Variants in RAI14 observed in about 807,000 individuals in gnomAD.
The protein encoded by RAI14 is ankycorbin.
Under a neutral mutation model 115.4 loss-of-function variants are expected in RAI14, and 45 were observed. The observed-to-expected ratio is 0.39, with a 90% CI of 0.31 to 0.50. RAI14 has a LOEUF of 0.50. Ranked by LOEUF, RAI14 falls within the 20% of genes least tolerant of loss-of-function variation. The pLI, the probability that RAI14 is intolerant of heterozygous loss-of-function variation, is 0.85. For synonymous variants in RAI14, 371 were observed against 415.4 expected (o/e 0.89, Z 1.30); for missense variants, 939 against 1,131.2 (o/e 0.83, Z 2.44).
At chr5:34,813,443 T>C (rs921259830) in intron 10 of RAI14, 131 bp from the exon 11 acceptor site, 1 of 563,840 alleles carries the variant, frequency 1.8e-6, no homozygotes, top group Admixed American at 3.5e-5. Flanking sequence ...TGGTAGCAGA[T>C]TTCAGATTTT....
At chr5:34,807,685 T>C in intron 5 of RAI14, 115 bp from the exon 6 acceptor site, 1 of 823,224 alleles carries the variant, frequency 1.2e-6, no homozygotes, top group East Asian at 2.5e-5. Flanking sequence ...CTGGGGCTTA[T>C]TTATGTTAAT....
At chr5:34,704,234 G>A (rs1032966216) in intron 2 of RAI14, among the ~76,000 whole-genome samples, 1 of 152,220 alleles carries the variant, frequency 6.6e-6, no homozygotes, top group African/African-American at 2.4e-5. Flanking sequence ...CAATGAGAGA[G>A]AATGTTAACT....
intron 4 of RAI14, among the ~76,000 whole-genome samples, chr5:34,796,398 A>C (rs976319130): frequency 1.6e-4 from 6 of 37,360 alleles, no homozygotes; most frequent in African/African-American, 8.4e-4. Flanking sequence ...ACTCTGTCTC[A>C]AAAAAAAAAA....
chr5:34,715,891 CA>C (rs1741920688), intron 2 of RAI14, among the ~76,000 whole-genome samples: 1 of 150,946 alleles, frequency 6.6e-6, no homozygotes, highest in Non-Finnish European at 1.5e-5. Context: ...AAGATGTAAT[CA>C]TCAGTCTTCC....
intron 2 of RAI14, among the ~76,000 whole-genome samples, chr5:34,746,721 T>A (rs1231728883): frequency 6.6e-6 from 1 of 152,122 alleles, no homozygotes; most frequent in African/African-American, 2.4e-5. Context: ...CTTGCCCCAG[T>A]GTATGAACAC....
intron 2 of RAI14, among the ~76,000 whole-genome samples, chr5:34,719,679 C>T (rs1346316513): frequency 3.3e-5 from 5 of 152,182 alleles, no homozygotes; most frequent in Non-Finnish European, 5.9e-5. Flanking sequence ...TCCCAGGGCA[C>T]GTGTCACCTT....
chr5:34,818,467 G>T (rs1756498171), intron 12 of RAI14, among the ~76,000 whole-genome samples: 1 of 152,076 alleles, frequency 6.6e-6, no homozygotes, highest in Non-Finnish European at 1.5e-5. Flanking sequence ...TCAGTTTTTA[G>T]TACATAACTC....
At chr5:34,802,394 A>G (rs1459811466) in intron 4 of RAI14, among the ~76,000 whole-genome samples, 10 of 152,192 alleles carry the variant, frequency 6.6e-5, no homozygotes, top group Non-Finnish European at 8.8e-5. Context: ...GTCCTAAAGT[A>G]TGGGAGTTAT....
At chr5:34,780,609 GAC>G (rs2150158812) in intron 3 of RAI14, among the ~76,000 whole-genome samples, 1 of 152,186 alleles carries the variant, frequency 6.6e-6, no homozygotes, top group Admixed American at 6.5e-5. Flanking sequence ...GCGGCCAACA[GAC>G]ACATGAAAAA....
chr5:34,729,510 C>T (rs923167699), intron 2 of RAI14, among the ~76,000 whole-genome samples: 2 of 152,184 alleles, frequency 1.3e-5, no homozygotes, highest in African/African-American at 2.4e-5. Context: ...AGCCACCAGA[C>T]ATTTTGTGCT....
chr5:34,683,433 TA>T (rs113838230), intron 1 of RAI14, among the ~76,000 whole-genome samples: 158 of 142,978 alleles, frequency 1.1e-3, no homozygotes, highest in Admixed American at 1.1e-3. Flanking sequence ...ACTGCATGCT[TA>T]AAAAAAAAAA....
chr5:34,695,046 G>A (rs1739054147), intron 2 of RAI14, among the ~76,000 whole-genome samples: 1 of 152,058 alleles, frequency 6.6e-6, no homozygotes, highest in Non-Finnish European at 1.5e-5. Flanking sequence ...TCACAGGCGT[G>A]TGCCACCATA....
intron 2 of RAI14, among the ~76,000 whole-genome samples, chr5:34,692,513 G>A (rs771312753): frequency 2.0e-5 from 3 of 151,940 alleles, no homozygotes; most frequent in South Asian, 2.1e-4. Flanking sequence ...CAGCCTGGGC[G>A]ATAGAGCGAG....
chr5:34,711,022 G>A (rs7714937), intron 2 of RAI14, among the ~76,000 whole-genome samples: 43,619 of 152,002 alleles, frequency 0.29, 7,272 homozygotes, highest in African/African-American at 0.48. Flanking sequence ...GGGGTGCTAT[G>A]GACTGAATGT....
chr5:34,752,578 T>C (rs1458254611), intron 2 of RAI14, among the ~76,000 whole-genome samples: 1 of 151,876 alleles, frequency 6.6e-6, no homozygotes, highest in Admixed American at 6.6e-5. Flanking sequence ...CCCGCGGGGC[T>C]TGAGCTAGGC....
At chr5:34,759,856 G>A (rs1419414871) in intron 3 of RAI14, among the ~76,000 whole-genome samples, 1 of 152,130 alleles carries the variant, frequency 6.6e-6, no homozygotes, top group South Asian at 2.1e-4. Context: ...TTTGGGAATG[G>A]CACCTTCAGC....
chr5:34,702,052 G>T (rs569483639), intron 2 of RAI14, among the ~76,000 whole-genome samples: 15 of 152,196 alleles, frequency 9.9e-5, no homozygotes, highest in African/African-American at 2.7e-4. Context: ...GGCCTCAAGT[G>T]ATTCACCGGC....
At chr5:34,796,829 CACAA>C (rs1451412803) in intron 4 of RAI14, among the ~76,000 whole-genome samples, 1 of 152,092 alleles carries the variant, frequency 6.6e-6, no homozygotes, top group Non-Finnish European at 1.5e-5. Context: ...TACACACACA[CACAA>C]ACACACACAC....
At position 34,692,017 on chromosome 5, in the gene RAI14, C is replaced by G. The variant is rs113388689; in HGVS notation, c.36+5062C>G. On this transcript the variant is annotated intron_variant, in intron 2 of 17. Transcript: ENST00000265109. Reference sequence around the variant, plus strand: ...GTGGCTCACACCTGTAATCCTAGCACTTTGGGAGGCCAAGGTGGGTGGATC... The same window carrying G: ...GTGGCTCACACCTGTAATCCTAGCAGTTTGGGAGGCCAAGGTGGGTGGATC... Among the ~76,000 whole-genome samples the G allele has an allele frequency of 1.6e-3, 243 of 152,278 alleles. 1 individual carries two copies. The highest frequency in any genetic ancestry group is 5.6e-3 in the African/African-American group (231 of 41,560).
Sources: allele counts gnomAD v4.1 joint callset (sites outside exome capture counted in the v4.1 genomes callset), GRCh38; gene constraint gnomAD v4.1.1; transcripts MANE v1.5; gene names NCBI Gene and HGNC (gene_info 2026-07-23, HGNC 2026-07-21).